CASC3: variants seen among roughly 807,000 people sequenced by gnomAD.
The protein encoded by CASC3 is CASC3 exon junction complex subunit, also known as protein CASC3.
CASC3 carries 30 observed loss-of-function variants against 80.5 expected under a neutral mutation model. The observed-to-expected ratio is 0.37, with a 90% CI of 0.28 to 0.51. The LOEUF (loss-of-function observed/expected upper bound fraction) is 0.51, where lower values mean the gene tolerates loss of function less well. Among genes scored for constraint, CASC3 ranks in the 20% least tolerant of loss-of-function variants. The pLI is 0.94. For synonymous variants in CASC3, 312 were observed against 333.6 expected (o/e 0.94, Z 0.70); for missense variants, 824 against 922.2 (o/e 0.89, Z 1.38).
chr17:40,154,501 TGG>T (rs1989096683), intron 3 of CASC3, among the ~76,000 whole-genome samples: 1 of 152,122 alleles, frequency 6.6e-6, no homozygotes, highest in South Asian at 2.1e-4. Context: ...CCCAAAGTGC[TGG>T]GATTACAGGT....
chr17:40,148,682 T>G (rs1230974191), intron 3 of CASC3, among the ~76,000 whole-genome samples: 1 of 152,076 alleles, frequency 6.6e-6, no homozygotes, highest in East Asian at 1.9e-4. Flanking sequence ...GTAAGTGCTG[T>G]TCTCAGTTTT....
chr17:40,166,180 GTGGTT>G (rs1989446297), intron 7 of CASC3, among the ~76,000 whole-genome samples: 1 of 152,146 alleles, frequency 6.6e-6, no homozygotes, highest in Admixed American at 6.6e-5. Context: ...TTTGCCTATT[GTGGTT>G]TGTTTTTCTC....
chr17:40,156,094 G>C (rs1439834809), intron 3 of CASC3, among the ~76,000 whole-genome samples: 1 of 152,178 alleles, frequency 6.6e-6, no homozygotes, highest in African/African-American at 2.4e-5. Context: ...ATCAGTACGT[G>C]TGTGTAGGGA....
chr17:40,167,392 A>T, intron 8 of CASC3, 106 bp from the exon 9 acceptor site: 1 of 706,202 alleles, frequency 1.4e-6, no homozygotes, highest in Non-Finnish European at 2.5e-6. Flanking sequence ...AATATCCATT[A>T]AATACCTGCC....
intron 3 of CASC3, among the ~76,000 whole-genome samples, chr17:40,150,651 G>A (rs985285681): frequency 1.3e-5 from 2 of 152,098 alleles, no homozygotes; most frequent in African/African-American, 4.8e-5. Context: ...CAAGGGAATG[G>A]ATGCATTGAA....
intron 10 of CASC3, 70 bp from the exon 11 acceptor site, chr17:40,168,133 C>A: frequency 1.4e-6 from 2 of 1,419,894 alleles, no homozygotes; most frequent in Non-Finnish European, 2.0e-6. Context: ...TTATACTGAG[C>A]AGTCCAGCCG....
At chr17:40,158,225 G>C (rs1258659793) in intron 3 of CASC3, among the ~76,000 whole-genome samples, 3 of 152,176 alleles carry the variant, frequency 2.0e-5, no homozygotes, top group Non-Finnish European at 4.4e-5. Flanking sequence ...GAAACTTAGA[G>C]TTTGAGAGTT....
intron 6 of CASC3, 54 bp from the exon 7 acceptor site, chr17:40,163,427 G>T: frequency 6.7e-7 from 1 of 1,501,222 alleles, no homozygotes; most frequent in Non-Finnish European, 9.0e-7. Flanking sequence ...GAGCCACCGC[G>T]CGTAGCCTCC....
intron 1 of CASC3, 107 bp from the exon 2 acceptor site, chr17:40,141,100 C>T (rs1041460086): frequency 3.7e-6 from 4 of 1,072,552 alleles, no homozygotes; most frequent in African/African-American, 3.1e-5. Context: ...CTGTCTCCCT[C>T]TCCAACCATT....
Position 40,162,040 on chromosome 17 carries a change from G to A in CASC3, c.495G>A (p.Lys165=), listed in dbSNP as rs962605683. Residue 165 remains lysine (K), a synonymous_variant, in exon 5 of 14, where the codon AAG becomes AAA. Coordinates refer to ENST00000264645, the MANE Select transcript of CASC3 (RefSeq NM_007359.5). ...TEPVENKVGK[K]GPKHLDDDED... ...CTGTGGAGAACAAAGTGGGTAAAAA[G>A]GGCCCTAAGCATTTGGATGATGATG... The A allele has an allele frequency of 6.2e-7, 1 of 1,613,956 alleles. No individual in the cohort carries two copies. The highest frequency in any genetic ancestry group is 8.5e-7 in the Non-Finnish European group (1 of 1,180,000).
chr17:40,170,473 G>T lies in CASC3; in HGVS notation c.*68G>T. ...GCAGCAGAGGTGAGAACTCAGAAGA[G>T]AAATACAGCTGGCTATCTACTACCA... On this transcript the variant is annotated 3_prime_UTR_variant, in exon 14 of 14. Transcript: ENST00000264645. The T allele has an allele frequency of 1.0e-6, 1 of 985,540 alleles. No individual in the cohort carries two copies. The highest frequency in any genetic ancestry group is 1.2e-6 in the Non-Finnish European group (1 of 829,956). The allele number at this position is 985,540 out of a possible 1,614,324, so 61.0% of individuals were successfully genotyped here.
rs963705158 is a variant in CASC3 at position 40,170,737 on chromosome 17, T to C, written c.*332T>C. 1 of 985,578 alleles carries C rather than the reference T, an allele frequency of 1.0e-6. No individual in the cohort carries two copies. The highest frequency in any genetic ancestry group is 1.2e-6 in the Non-Finnish European group (1 of 829,898). The allele number at this position is 985,578 out of a possible 1,614,324, so 61.1% of individuals were successfully genotyped here. On this transcript the variant is annotated 3_prime_UTR_variant, in exon 14 of 14. Transcript: ENST00000264645. ...CTGCTGTTCTTCACTTCTGGGAAAT[T>C]GAAGTGTCTTCTGTTCCCAAGGAAG...
At chr17:40,167,226 T>C (rs1989473180) in intron 8 of CASC3, 2 of 532,910 alleles carry the variant, frequency 3.8e-6, no homozygotes, top group Non-Finnish European at 6.6e-6. Context: ...CCCAAAGTAT[T>C]GGGATTACAG....
chr17:40,141,241 A>G lies in CASC3; in HGVS notation c.259+7A>G, dbSNP rs764796712. On this transcript the variant is annotated splice_region_variant and intron_variant, in intron 2 of 13. Transcript: ENST00000264645. Reference sequence around the variant, plus strand: ...GATGGCATTGAAGGTGATGGTGAGTAGCATCTTTTACCCCATTAGGACAAG... The same window carrying G: ...GATGGCATTGAAGGTGATGGTGAGTGGCATCTTTTACCCCATTAGGACAAG... 2 of 1,613,064 alleles carry G rather than the reference A, an allele frequency of 1.2e-6. No individual in the cohort carries two copies. The highest frequency in any genetic ancestry group is 1.7e-6 in the Non-Finnish European group (2 of 1,179,006).
chr17:40,162,935 G>T (rs776752607), intron 6 of CASC3, 34 bp downstream of exon 6: 18 of 1,599,594 alleles, frequency 1.1e-5, no homozygotes, highest in Non-Finnish European at 1.5e-5. Flanking sequence ...ACCAGGCTGG[G>T]TATGGTGGCT....
intron 3 of CASC3, among the ~76,000 whole-genome samples, chr17:40,152,921 C>T (rs1225924750): frequency 1.3e-5 from 2 of 151,936 alleles, no homozygotes; most frequent in East Asian, 1.9e-4. Flanking sequence ...GGATTACAAG[C>T]GCCCACCACC....
chr17:40,152,800 A>T (rs755074354), intron 3 of CASC3, among the ~76,000 whole-genome samples: 1 of 150,074 alleles, frequency 6.7e-6, no homozygotes, highest in Non-Finnish European at 1.5e-5. Context: ...ATTATTTTAG[A>T]CAGTCTTGCT....
chr17:40,167,282 G>C, intron 8 of CASC3: 1 of 579,134 alleles, frequency 1.7e-6, no homozygotes, highest in South Asian at 2.2e-5. Context: ...TTTTTCCATT[G>C]ATTATGCATG....
chr17:40,140,813 G>T, intron 1 of CASC3, 34 bp downstream of exon 1: 1 of 1,333,666 alleles, frequency 7.5e-7, no homozygotes, highest in South Asian at 1.5e-5. Context: ...GGTGGGGACC[G>T]GGCGGCGAGC....
Sources: gnomAD v4.1 joint callset for allele counts (sites outside exome capture counted in the v4.1 genomes callset) on GRCh38, gnomAD v4.1.1 for gene constraint, MANE v1.5 for transcripts, NCBI Gene and HGNC (gene_info 2026-07-23, HGNC 2026-07-21) for gene names.